The following SYT14 variants were observed in gnomAD, a reference collection of about 807,000 sequenced individuals.
SYT14 encodes synaptotagmin 14, also known as synaptotagmin-14.
A neutral mutation model predicts 74.2 loss-of-function variants in SYT14; 32 were observed. The ratio of observed to expected loss-of-function variants is 0.43; its 90% confidence interval spans 0.33 to 0.58. SYT14 has a LOEUF of 0.58. SYT14 is among the 20% of genes least tolerant of loss of function. The probability of loss-of-function intolerance (pLI) is 0.05; values close to 1 mark genes in which losing one functional copy is unlikely to be tolerated. For missense variants in SYT14, 791 were observed against 981.8 expected, an observed-to-expected ratio of 0.81 and a Z score of 2.60; for synonymous variants, 298 against 337.7, an observed-to-expected ratio of 0.88 and a Z score of 1.29.
chr1:209,969,870 A>G (rs1340477163), intron 2 of SYT14, among the ~76,000 whole-genome samples: 1 of 152,034 alleles, frequency 6.6e-6, no homozygotes, highest in Non-Finnish European at 1.5e-5. Flanking sequence ...TTCTTTTGAG[A>G]AGTGTCTGTT....
chr1:210,027,150 G>A (rs1016881018), intron 5 of SYT14, among the ~76,000 whole-genome samples: 1 of 152,044 alleles, frequency 6.6e-6, no homozygotes, highest in African/African-American at 2.4e-5. Context: ...CTGTATTTAT[G>A]CTGTATTATT....
chr1:210,139,265 CTTTTTTTT>C (rs960923188), intron 7 of SYT14, among the ~76,000 whole-genome samples: 6 of 95,812 alleles, frequency 6.3e-5, no homozygotes, highest in South Asian at 3.6e-4. Context: ...TTTCTTTTTT[CTTTTTTTT>C]TTTTTTTTTT....
intron 7 of SYT14, among the ~76,000 whole-genome samples, chr1:210,147,178 A>C (rs1314236131): frequency 6.6e-6 from 1 of 152,112 alleles, no homozygotes; most frequent in Non-Finnish European, 1.5e-5. Flanking sequence ...TACAAAAAAA[A>C]AGAATAAGAC....
chr1:210,083,220 A>G (rs1252142475), intron 5 of SYT14, among the ~76,000 whole-genome samples: 2 of 152,008 alleles, frequency 1.3e-5, no homozygotes. Flanking sequence ...TCAAACTCCT[A>G]ACCTCAAGTG....
rs117658153 is a variant in SYT14, at chr1:210,000,461, C to A, written c.-485-13172C>A. Among the ~76,000 whole-genome samples the A allele has an allele frequency of 3.2e-4, 34 of 105,338 alleles. 1 individual carries two copies. The East Asian group carries it at 0.01, about 32-fold the overall frequency. The allele number at this position is 105,338 out of a possible 152,430, so 69.1% of individuals were successfully genotyped here. On this transcript the variant is annotated intron_variant, in intron 2 of 9. Transcript: ENST00000637265. ...TCATCTTATTTTAGTCCTTTGTCCTCATACGCACACACACACACACACACA... is the reference window on the plus strand; with the variant it reads ...TCATCTTATTTTAGTCCTTTGTCCTAATACGCACACACACACACACACACA...
At chr1:209,980,399 T>TTG (rs1395910022) in intron 2 of SYT14, among the ~76,000 whole-genome samples, 1 of 152,192 alleles carries the variant, frequency 6.6e-6, no homozygotes, top group Non-Finnish European at 1.5e-5. Context: ...TTTAGGTTGT[T>TTG]TGTTCATTCT....
chr1:210,089,910 A>G (rs2081829295), intron 5 of SYT14, among the ~76,000 whole-genome samples: 1 of 152,250 alleles, frequency 6.6e-6, no homozygotes, highest in Non-Finnish European at 1.5e-5. Flanking sequence ...AGCACTGGCT[A>G]CAGAATTTTC....
chr1:210,155,556 C>T (rs1410267351), intron 7 of SYT14, among the ~76,000 whole-genome samples, 165 bp from the exon 7 acceptor site: 1 of 152,034 alleles, frequency 6.6e-6, no homozygotes, highest in East Asian at 1.9e-4. Flanking sequence ...AAAAGAAATC[C>T]AGGGGCTAAA....
Position 210,132,265 on chromosome 1 carries a change from C to T in SYT14, c.2035-23456C>T, listed in dbSNP as rs557737352. 4.6e-5 allele frequency among the ~76,000 whole-genome samples: 7 copies of T among 152,188 alleles called. No homozygotes were observed. In the South Asian group the frequency reaches 8.3e-4, roughly 18 times the overall value. ...CAGGCTGCCCATCTGGGCTCTCTCC[C>T]CACGCCAAGTCCACCTCTTCATATC... On this transcript the variant is annotated intron_variant, in intron 7 of 9. Transcript: ENST00000637265.
At chr1:210,068,694 CT>C (rs945327134) in intron 5 of SYT14, among the ~76,000 whole-genome samples, 16 of 151,516 alleles carry the variant, frequency 1.1e-4, no homozygotes, top group African/African-American at 3.9e-4. Flanking sequence ...TAATAGCATT[CT>C]TTTGTTTACT....
chr1:210,016,931 A>G, exon 4 of SYT14: 1 of 1,231,642 alleles, frequency 8.1e-7, no homozygotes, highest in Non-Finnish European at 1.0e-6. Context: ...AGCACCATCA[A>G]CTAATTCTAA....
intron 7 of SYT14, among the ~76,000 whole-genome samples, chr1:210,130,420 A>G (rs1228634243): frequency 6.6e-6 from 1 of 152,160 alleles, no homozygotes; most frequent in Non-Finnish European, 1.5e-5. Context: ...TATAGATTAC[A>G]TTTTTCTTTG....
intron 1 of SYT14, 33 bp downstream of exon 1, chr1:209,938,310 C>CG: frequency 6.5e-7 from 1 of 1,542,782 alleles, no homozygotes; most frequent in Non-Finnish European, 8.8e-7. Context: ...GAGCGAGGAC[C>CG]GGGACCACCC....
chr1:210,063,679 C>T (rs2081246113), intron 5 of SYT14, among the ~76,000 whole-genome samples: 1 of 151,688 alleles, frequency 6.6e-6, no homozygotes, highest in Admixed American at 6.6e-5. Flanking sequence ...ACGTTGTATT[C>T]TAGAGGCCAG....
At chr1:210,005,709 C>T (rs2079977089) in intron 2 of SYT14, among the ~76,000 whole-genome samples, 1 of 151,786 alleles carries the variant, frequency 6.6e-6, no homozygotes, top group Non-Finnish European at 1.5e-5. Context: ...ATTCTAAAGC[C>T]TCAATCAAGA....
intron 7 of SYT14, among the ~76,000 whole-genome samples, chr1:210,102,136 C>G (rs976575134): frequency 1.3e-5 from 2 of 151,910 alleles, no homozygotes; most frequent in African/African-American, 4.8e-5. Context: ...GGTACGTGTG[C>G]AGGTTTGTTA....
exon 10 of SYT14, chr1:210,163,791 C>T (rs192829170): frequency 2.2e-4 from 98 of 453,668 alleles, no homozygotes; most frequent in African/African-American, 1.8e-3. Flanking sequence ...ATGTACGAGA[C>T]AGTACTACTG....
intron 8 of SYT14, chr1:210,156,882 TGGG>T (rs1380831294): frequency 4.9e-6 from 2 of 406,974 alleles, no homozygotes; most frequent in African/African-American, 4.1e-5. Context: ...TTAGTAGAGG[TGGG>T]TTTTCACCAT....
intron 7 of SYT14, among the ~76,000 whole-genome samples, chr1:210,119,265 A>G (rs889602553): frequency 1.3e-5 from 2 of 152,168 alleles, no homozygotes; most frequent in African/African-American, 2.4e-5. Flanking sequence ...AGTAGTGTCC[A>G]TTTAGGCAGA....
Sources: allele counts gnomAD v4.1 joint callset (sites outside exome capture counted in the v4.1 genomes callset), GRCh38; gene constraint gnomAD v4.1.1; transcripts MANE v1.5; gene names NCBI Gene and HGNC (gene_info 2026-07-23, HGNC 2026-07-21).